KCTD8: variants seen among roughly 807,000 people sequenced by gnomAD.
KCTD8 encodes the protein potassium channel tetramerization domain containing 8, also known as BTB/POZ domain-containing protein KCTD8.
KCTD8 carries 27 observed loss-of-function variants against 31.5 expected under a neutral mutation model. The ratio of observed to expected loss-of-function variants is 0.86; its 90% CI spans 0.63 to 1.18. The LOEUF (loss-of-function observed/expected upper bound fraction) is 1.18. Among genes scored for constraint, KCTD8 ranks in the 50% most tolerant of loss-of-function variants. KCTD8 has a pLI of 0.00. For synonymous variants in KCTD8, 290 were observed against 280.0 expected, an observed-to-expected ratio of 1.04 and a Z score of -0.36; for missense variants, 658 against 647.7, an observed-to-expected ratio of 1.02 and a Z score of -0.17.
chr4:44,411,811 C>A (rs1230705378), intron 1 of KCTD8, among the ~76,000 whole-genome samples: 2 of 151,918 alleles, frequency 1.3e-5, no homozygotes, highest in African/African-American at 2.4e-5. Flanking sequence ...CCAAGGAATG[C>A]CAAGGATTGA....
At chr4:44,383,441 C>T (rs1298661749) in intron 1 of KCTD8, among the ~76,000 whole-genome samples, 3 of 152,000 alleles carry the variant, frequency 2.0e-5, no homozygotes, top group African/African-American at 7.2e-5. Flanking sequence ...GGAACCAAAC[C>T]AGCATGGTAC....
chr4:44,408,344 A>G (rs1208873544), intron 1 of KCTD8, among the ~76,000 whole-genome samples: 1 of 152,186 alleles, frequency 6.6e-6, no homozygotes, highest in Admixed American at 6.5e-5. Flanking sequence ...AATGATCGCT[A>G]TTTATTAAAC....
At chr4:44,258,239 T>C (rs1006924612) in intron 1 of KCTD8, among the ~76,000 whole-genome samples, 1 of 151,976 alleles carries the variant, frequency 6.6e-6, no homozygotes, top group Non-Finnish European at 1.5e-5. Flanking sequence ...TATGAGGACT[T>C]GAACTAGGAG....
intron 1 of KCTD8, among the ~76,000 whole-genome samples, chr4:44,332,414 C>T (rs1307538866): frequency 6.6e-6 from 1 of 151,916 alleles, no homozygotes; most frequent in Admixed American, 6.6e-5. Context: ...CAAGTACTTG[C>T]ATTTATAAAA....
At chr4:44,305,122 A>G (rs11729902) in intron 1 of KCTD8, among the ~76,000 whole-genome samples, 40,389 of 151,898 alleles carry the variant, frequency 0.27, 5,789 homozygotes, top group East Asian at 0.38. Context: ...TCATGTTAAA[A>G]TAACTAGAAT....
At chr4:44,287,376 A>C (rs1294641375) in intron 1 of KCTD8, among the ~76,000 whole-genome samples, 2 of 152,212 alleles carry the variant, frequency 1.3e-5, no homozygotes, top group African/African-American at 4.8e-5. Flanking sequence ...TTTAAAGTAA[A>C]TTATTTAAGC....
At chr4:44,294,604 G>C (rs1395700418) in intron 1 of KCTD8, among the ~76,000 whole-genome samples, 1 of 152,090 alleles carries the variant, frequency 6.6e-6, no homozygotes. Flanking sequence ...TATGAAACCT[G>C]ATTTTCATGA....
At chr4:44,390,399 C>A (rs1395888287) in intron 1 of KCTD8, among the ~76,000 whole-genome samples, 2 of 151,820 alleles carry the variant, frequency 1.3e-5, no homozygotes, top group Admixed American at 6.6e-5. Context: ...GGGTGTCTTT[C>A]CCTCGACCAC....
At chr4:44,372,994 G>A (rs1204167078) in intron 1 of KCTD8, among the ~76,000 whole-genome samples, 2 of 152,090 alleles carry the variant, frequency 1.3e-5, no homozygotes, top group Non-Finnish European at 2.9e-5. Flanking sequence ...TTATGCATCT[G>A]TGGCTAGTAA....
chr4:44,235,576 T>TATATATATATATATATATATATATATATA (rs1560402134), intron 1 of KCTD8, among the ~76,000 whole-genome samples: 1 of 56,890 alleles, frequency 1.8e-5, no homozygotes, highest in Non-Finnish European at 3.2e-5. Context: ...TATATATATA[T>TATATATATATATATATATATATATATATA]TTAGAGAGAG....
chr4:44,301,022 C>T (rs1034325940), intron 1 of KCTD8, among the ~76,000 whole-genome samples: 24 of 151,666 alleles, frequency 1.6e-4, no homozygotes, highest in African/African-American at 5.3e-4. Context: ...CAATTTCATC[C>T]ATGTCCCTAC....
chr4:44,443,108 G>A (rs913905867), intron 1 of KCTD8, among the ~76,000 whole-genome samples: 28 of 152,286 alleles, frequency 1.8e-4, no homozygotes, highest in African/African-American at 4.8e-4. Flanking sequence ...CATTAAATCA[G>A]AATCTTGATG....
At chr4:44,234,172 T>C (rs1182054642) in intron 1 of KCTD8, among the ~76,000 whole-genome samples, 2 of 152,176 alleles carry the variant, frequency 1.3e-5, no homozygotes, top group East Asian at 3.9e-4. Flanking sequence ...GTTAGGAAAC[T>C]GAGGTGGGGC....
In KCTD8 at chr4:44,445,558, T is replaced by C. The variant is rs187730104; in HGVS notation, c.961+2005A>G. On this transcript the variant is annotated intron_variant, in intron 1 of 1. Transcript: ENST00000360029. ...TAGCTAAATTAACTAAGTTTCCAGTTTCAATATACTAAGGGCACTTTTTTC... is the reference window on the plus strand; with the variant it reads ...TAGCTAAATTAACTAAGTTTCCAGTCTCAATATACTAAGGGCACTTTTTTC... Among the ~76,000 whole-genome samples the C allele has an allele frequency of 3.3e-5, 5 of 152,278 alleles. No individual in the cohort carries two copies. The East Asian group carries it at 7.7e-4, about 24-fold the overall frequency.
chr4:44,232,115 C>A (rs895905045), intron 1 of KCTD8, among the ~76,000 whole-genome samples: 3 of 152,066 alleles, frequency 2.0e-5, no homozygotes, highest in Non-Finnish European at 4.4e-5. Context: ...CAATTTGATT[C>A]ATTTGAAAAC....
intron 1 of KCTD8, among the ~76,000 whole-genome samples, chr4:44,282,099 T>C (rs1186896150): frequency 2.0e-5 from 3 of 152,124 alleles, no homozygotes; most frequent in Non-Finnish European, 4.4e-5. Context: ...TACCTTGTCT[T>C]ACTGTGCTTT....
At chr4:44,317,309 G>C (rs1296188338) in intron 1 of KCTD8, among the ~76,000 whole-genome samples, 4 of 122,272 alleles carry the variant, frequency 3.3e-5, no homozygotes, top group African/African-American at 6.7e-5. Flanking sequence ...GCGCAATCTC[G>C]GCTCACTGCA....
At position 44,317,228 on chromosome 4, in the gene KCTD8, C is replaced by CTTTTTTTTTTTTTTTTTTTTTT. The variant is rs760060899; in HGVS notation, c.961+130313_961+130334dup. Among the ~76,000 whole-genome samples, 35 of 36,536 alleles carry CTTTTTTTTTTTTTTTTTTTTTT rather than the reference C, an allele frequency of 9.6e-4. 10 individuals are homozygous for CTTTTTTTTTTTTTTTTTTTTTT. Among genetic ancestry groups the CTTTTTTTTTTTTTTTTTTTTTT allele is most frequent in the African/African-American group, 1.7e-3 (15 of 8,648 alleles). 24.0% of individuals were successfully genotyped at this position (36,536 alleles called of 152,430 possible). A position where few individuals can be genotyped will look rare whatever the true frequency, so the allele number is the denominator to read the frequency against. ...TTTATGTATTGCCTATGGGTGCTTT[C>CTTTTTTTTTTTTTTTTTTTTTT]TTTTTTTTTTTTTTTTTTTTTTGAG... On this transcript the variant is annotated intron_variant, in intron 1 of 1. Transcript: ENST00000360029.
chr4:44,221,705 G>A (rs969265116), intron 1 of KCTD8, among the ~76,000 whole-genome samples: 40 of 152,102 alleles, frequency 2.6e-4, no homozygotes, highest in Admixed American at 1.3e-4. Flanking sequence ...TCCAGCATGG[G>A]AGAAAGATGG....
Sources: gnomAD v4.1 joint callset for allele counts (sites outside exome capture counted in the v4.1 genomes callset) on GRCh38, gnomAD v4.1.1 for gene constraint, MANE v1.5 for transcripts, NCBI Gene and HGNC (gene_info 2026-07-23, HGNC 2026-07-21) for gene names.